Variants in IPCEF1 observed in about 807,000 individuals in gnomAD.
IPCEF1 encodes interaction protein for cytohesin exchange factors 1, also known as interactor protein for cytohesin exchange factors 1.
IPCEF1 carries 31 observed loss-of-function variants against 50.9 expected under a neutral mutation model. The observed-to-expected ratio is 0.61, with a 90% CI of 0.46 to 0.82. The LOEUF is 0.82. Ranked by LOEUF, IPCEF1 falls within the 40% of genes least tolerant of loss-of-function variation. The pLI is 0.00. For missense variants in IPCEF1, 458 were observed against 514.0 expected, an observed-to-expected ratio of 0.89 and a Z score of 1.05; for synonymous variants, 181 against 192.0, an observed-to-expected ratio of 0.94 and a Z score of 0.47.
intron 2 of IPCEF1, among the ~76,000 whole-genome samples, chr6:154,285,478 A>G (rs970043633): frequency 2.0e-5 from 3 of 152,196 alleles, no homozygotes; most frequent in Admixed American, 6.5e-5. Context: ...CATATTTTTG[A>G]GCTAAAATTT....
intron 10 of IPCEF1, among the ~76,000 whole-genome samples, chr6:154,187,409 C>T (rs1196801449): frequency 6.6e-6 from 1 of 152,088 alleles, no homozygotes; most frequent in Non-Finnish European, 1.5e-5. Context: ...TTTTGGCTTT[C>T]GTTTGCTTTT....
At chr6:154,197,274 T>C (rs1394248612) in intron 10 of IPCEF1, among the ~76,000 whole-genome samples, 1 of 151,862 alleles carries the variant, frequency 6.6e-6, no homozygotes, top group African/African-American at 2.4e-5. Flanking sequence ...TAAACACACA[T>C]GTAAAAAAAA....
intron 10 of IPCEF1, among the ~76,000 whole-genome samples, chr6:154,195,549 C>T (rs1776544405): frequency 6.6e-6 from 1 of 152,096 alleles, no homozygotes; most frequent in African/African-American, 2.4e-5. Context: ...AGTATTCAAC[C>T]TCAACCAAAT....
intron 5 of IPCEF1, among the ~76,000 whole-genome samples, chr6:154,230,687 A>G (rs1408392421): frequency 6.6e-6 from 1 of 152,172 alleles, no homozygotes; most frequent in Non-Finnish European, 1.5e-5. Flanking sequence ...ATGAAAAGTA[A>G]TATTATATCT....
At chr6:154,298,222 T>A (rs1043542916) in intron 1 of IPCEF1, among the ~76,000 whole-genome samples, 16 of 152,118 alleles carry the variant, frequency 1.1e-4, no homozygotes, top group African/African-American at 2.4e-4. Flanking sequence ...TAAAAAAAAA[T>A]GTCAGATTCA....
intron 2 of IPCEF1, among the ~76,000 whole-genome samples, chr6:154,268,357 G>C (rs1690143812): frequency 6.6e-6 from 1 of 152,164 alleles, no homozygotes; most frequent in Non-Finnish European, 1.5e-5. Flanking sequence ...GCTGTGGTTT[G>C]GGTAGCTGCA....
chr6:154,333,615 C>T (rs188883559), intron 1 of IPCEF1, among the ~76,000 whole-genome samples: 15 of 144,282 alleles, frequency 1.0e-4, no homozygotes, highest in Non-Finnish European at 2.2e-4. Context: ...TACAAGTATA[C>T]ATATATACGT....
intron 1 of IPCEF1, among the ~76,000 whole-genome samples, chr6:154,318,169 G>A (rs1459552974): frequency 6.6e-6 from 1 of 152,164 alleles, no homozygotes; most frequent in Non-Finnish European, 1.5e-5. Context: ...AATCTGAACA[G>A]TGGTTGCCCT....
intron 5 of IPCEF1, among the ~76,000 whole-genome samples, chr6:154,231,735 G>A (rs1250847126): frequency 6.6e-6 from 1 of 152,198 alleles, no homozygotes; most frequent in Admixed American, 6.5e-5. Context: ...AGAAAAGGGG[G>A]AAGAAAGAGG....
chr6:154,161,888 T>C (rs1252777824), intron 11 of IPCEF1, among the ~76,000 whole-genome samples: 1 of 152,174 alleles, frequency 6.6e-6, no homozygotes. Context: ...TTTTCACTAC[T>C]CTCCAGTCAT....
chr6:154,339,517 C>T (rs1310876204), intron 1 of IPCEF1, among the ~76,000 whole-genome samples: 1 of 151,710 alleles, frequency 6.6e-6, no homozygotes, highest in Non-Finnish European at 1.5e-5. Context: ...TCAAGCATTG[C>T]TCCCGTCCAA....
intron 1 of IPCEF1, among the ~76,000 whole-genome samples, chr6:154,302,315 G>T (rs1301808826): frequency 6.6e-6 from 1 of 152,252 alleles, no homozygotes; most frequent in Non-Finnish European, 1.5e-5. Flanking sequence ...AACCAAATTT[G>T]CCCACTTCCT....
At chr6:154,341,188 A>C (rs959666321) in intron 1 of IPCEF1, among the ~76,000 whole-genome samples, 23 of 152,196 alleles carry the variant, frequency 1.5e-4, no homozygotes, top group African/African-American at 5.3e-4. Context: ...CTTTGAATAG[A>C]CTGGGAGACA....
chr6:154,203,652 C>G (rs1355777041), intron 9 of IPCEF1, among the ~76,000 whole-genome samples: 1 of 152,116 alleles, frequency 6.6e-6, no homozygotes, highest in Non-Finnish European at 1.5e-5. Context: ...TGGAACTAAA[C>G]CCCCACAGAT....
At position 154,171,813 on chromosome 6, in the gene IPCEF1, A is replaced by G. The variant is rs551532998; in HGVS notation, c.911-3700T>C. On this transcript the variant is annotated intron_variant, in intron 10 of 11. Coordinates refer to ENST00000367220, the MANE Select transcript of IPCEF1 (RefSeq NM_001130700.2). The stretch of plus-strand genomic sequence containing the variant: ...GGGGGCATTAGGATTGAAGACTTAG[A>G]GTTTTCAGTTTTAAGACACAGTAAT... Among the ~76,000 whole-genome samples the G allele has an allele frequency of 5.3e-5, 8 of 152,298 alleles. No homozygotes were observed. In the South Asian group the frequency reaches 8.3e-4, roughly 16 times the overall value.
chr6:154,345,556 C>T (rs1441601840), intron 1 of IPCEF1, among the ~76,000 whole-genome samples: 1 of 152,210 alleles, frequency 6.6e-6, no homozygotes, highest in Non-Finnish European at 1.5e-5. Flanking sequence ...TGCTATGACA[C>T]CTCCCAAACC....
intron 1 of IPCEF1, among the ~76,000 whole-genome samples, chr6:154,312,071 G>T (rs996560026): frequency 6.6e-6 from 1 of 152,086 alleles, no homozygotes; most frequent in South Asian, 2.1e-4. Context: ...TTTGTCCATC[G>T]ACAGATGAAC....
At chr6:154,212,634 G>A in intron 9 of IPCEF1, 136 bp downstream of exon 9, 2 of 620,970 alleles carry the variant, frequency 3.2e-6, no homozygotes, top group Non-Finnish European at 5.8e-6. Context: ...CCTGAAAATT[G>A]CACTTGCTCG....
intron 1 of IPCEF1, among the ~76,000 whole-genome samples, chr6:154,305,795 C>T (rs1389159359): frequency 2.0e-5 from 3 of 152,204 alleles, no homozygotes; most frequent in Admixed American, 2.0e-4. Context: ...GGCTTCTGGC[C>T]TCCATCTTTC....
Sources: allele counts gnomAD v4.1 joint callset (sites outside exome capture counted in the v4.1 genomes callset), GRCh38; gene constraint gnomAD v4.1.1; transcripts MANE v1.5; gene names NCBI Gene and HGNC (gene_info 2026-07-23, HGNC 2026-07-21).